Variants in DGKB observed in about 807,000 individuals in gnomAD.
The protein encoded by DGKB is 90 kDa diacylglycerol kinase.
DGKB carries 67 observed loss-of-function variants against 114.3 expected under a neutral mutation model. The ratio of observed to expected loss-of-function variants is 0.59; its 90% CI spans 0.48 to 0.72. The LOEUF is 0.72. Ranked by LOEUF, DGKB falls within the 30% of genes least tolerant of loss-of-function variation. DGKB has a pLI of 0.00. For synonymous variants in DGKB, 398 were observed against 323.1 expected (o/e 1.23, Z -2.49); for missense variants, 907 against 975.2 (o/e 0.93, Z 0.93).
intron 4 of DGKB, among the ~76,000 whole-genome samples, chr7:14,751,666 G>T (rs893937061): frequency 6.6e-5 from 10 of 152,186 alleles, no homozygotes; most frequent in Non-Finnish European, 5.9e-5. Flanking sequence ...CAGCACTCAG[G>T]ATTGTGGCCA....
intron 21 of DGKB, among the ~76,000 whole-genome samples, chr7:14,399,506 A>C (rs971013649): frequency 1.3e-5 from 2 of 151,798 alleles, no homozygotes; most frequent in Non-Finnish European, 2.9e-5. Flanking sequence ...ATCCTGAAAC[A>C]ATAGTACCTA....
At chr7:14,187,317 C>A (rs1330595092) in intron 23 of DGKB, among the ~76,000 whole-genome samples, 1 of 152,130 alleles carries the variant, frequency 6.6e-6, no homozygotes, top group Non-Finnish European at 1.5e-5. Flanking sequence ...CCTCCCTGGA[C>A]AGATAGCCAC....
At chr7:14,240,751 C>T (rs1793519418) in intron 23 of DGKB, among the ~76,000 whole-genome samples, 1 of 152,106 alleles carries the variant, frequency 6.6e-6, no homozygotes, top group African/African-American at 2.4e-5. Context: ...CTGTTGCTGT[C>T]TTTCAGTTGT....
chr7:14,549,608 T>C (rs957617641), intron 20 of DGKB, among the ~76,000 whole-genome samples: 3 of 152,140 alleles, frequency 2.0e-5, no homozygotes, highest in Admixed American at 2.0e-4. Context: ...ATAAAGAGAA[T>C]GCAGGGAACA....
chr7:14,304,698 A>G (rs1286592976), intron 23 of DGKB, among the ~76,000 whole-genome samples: 1 of 152,136 alleles, frequency 6.6e-6, no homozygotes, highest in Non-Finnish European at 1.5e-5. Flanking sequence ...TTAACCTGAG[A>G]AATACAATGT....
intron 2 of DGKB, among the ~76,000 whole-genome samples, chr7:14,771,377 T>A (rs1472727137): frequency 6.6e-6 from 1 of 152,084 alleles, no homozygotes; most frequent in Non-Finnish European, 1.5e-5. Flanking sequence ...CTGCATCTCG[T>A]TATTGGGCGG....
chr7:14,556,561 T>G (rs1776560221), intron 20 of DGKB, among the ~76,000 whole-genome samples: 1 of 152,112 alleles, frequency 6.6e-6, no homozygotes, highest in Non-Finnish European at 1.5e-5. Context: ...ATACGTGTAT[T>G]TTGATTTATT....
At chr7:14,580,424 G>A (rs1222809343) in intron 19 of DGKB, among the ~76,000 whole-genome samples, 1 of 152,212 alleles carries the variant, frequency 6.6e-6, no homozygotes, top group African/African-American at 2.4e-5. Flanking sequence ...CTAGCATAGA[G>A]TGAGTCTCAA....
chr7:14,648,503 A>G (rs1261544226), intron 13 of DGKB, among the ~76,000 whole-genome samples: 2 of 80,406 alleles, frequency 2.5e-5, no homozygotes, highest in African/African-American at 3.7e-5. Context: ...GTACATCACC[A>G]TCATCAAACA....
At chr7:14,553,444 T>G (rs886587517) in intron 20 of DGKB, among the ~76,000 whole-genome samples, 1 of 152,086 alleles carries the variant, frequency 6.6e-6, no homozygotes, top group Non-Finnish European at 1.5e-5. Context: ...AATTGCTATA[T>G]AAGTAAGTGA....
At chr7:14,231,091 CTTT>C (rs1562684115) in intron 23 of DGKB, among the ~76,000 whole-genome samples, 2 of 75,366 alleles carry the variant, frequency 2.7e-5, no homozygotes, top group Non-Finnish European at 5.2e-5. Context: ...CCCTTTCTTT[CTTT>C]CTTTCTTTCT....
intron 23 of DGKB, among the ~76,000 whole-genome samples, chr7:14,304,173 C>A (rs1052113549): frequency 6.6e-6 from 1 of 151,762 alleles, no homozygotes; most frequent in South Asian, 2.1e-4. Context: ...ATTCTTCACA[C>A]TAACGGTAAG....
rs979868 is a variant in DGKB, at chr7:14,146,251, C to T, written c.*2880G>A. On this transcript the variant is annotated 3_prime_UTR_variant, in exon 26 of 26. Transcript: ENST00000402815. ...TCTATGTAGATACCTCCCTTCCTAT[C>T]TCTTAGAAGCGTGGATATCAAGGTT... 135,839 of 152,238 alleles carry T rather than the reference C, an allele frequency of 0.89. 60,915 individuals carry two copies. The highest frequency in any genetic ancestry group is 1 in the East Asian group (5,152 of 5,172). The allele number at this position is 152,238 out of a possible 1,614,324, so 9.4% of individuals were successfully genotyped here. A position where few individuals can be genotyped will look rare whatever the true frequency, so the allele number is the denominator to read the frequency against.
chr7:14,921,701 A>G (rs1321863334), intron 1 of DGKB, among the ~76,000 whole-genome samples: 1 of 152,194 alleles, frequency 6.6e-6, no homozygotes, highest in African/African-American at 2.4e-5. Flanking sequence ...CATGGCAGAA[A>G]TTGAGAAAAC....
intron 21 of DGKB, among the ~76,000 whole-genome samples, chr7:14,461,322 G>GT (rs35867012): frequency 0.029 from 4,139 of 145,158 alleles, 178 homozygotes; most frequent in African/African-American, 0.088. Flanking sequence ...TCCAGGAGCT[G>GT]TTTTTTTTTT....
In DGKB at chr7:14,148,758, G is replaced by A. The variant is rs184080120; in HGVS notation, c.*373C>T. On this transcript the variant is annotated 3_prime_UTR_variant, in exon 26 of 26. Coordinates refer to ENST00000402815, the MANE Select transcript of DGKB (RefSeq NM_001350709.2). Reference sequence around the variant, plus strand: ...ACTGATTAGTGCTTCGTAATAATTGGAATCACACTGAGAATCACGTTTCCC... The same window carrying A: ...ACTGATTAGTGCTTCGTAATAATTGAAATCACACTGAGAATCACGTTTCCC... The A allele has an allele frequency of 4.4e-3, 1,269 of 288,650 alleles. 10 individuals carry two copies. Among genetic ancestry groups the A allele is most frequent in the Non-Finnish European group, 5.5e-3 (834 of 151,340 alleles). The allele number at this position is 288,650 out of a possible 1,614,324, so 17.9% of individuals were successfully genotyped here. A position where few individuals can be genotyped will look rare whatever the true frequency, so the allele number is the denominator to read the frequency against.
At chr7:14,684,867 T>C (rs1821404037) in intron 10 of DGKB, among the ~76,000 whole-genome samples, 1 of 151,982 alleles carries the variant, frequency 6.6e-6, no homozygotes, top group Admixed American at 6.6e-5. Context: ...CATTATAAGA[T>C]GTTCATGTGA....
At chr7:14,338,413 A>T in intron 23 of DGKB, 102 bp downstream of exon 23, 1 of 625,204 alleles carries the variant, frequency 1.6e-6, no homozygotes, top group Non-Finnish European at 2.5e-6. Context: ...AACTGTAAAA[A>T]TATATAAATT....
intron 21 of DGKB, among the ~76,000 whole-genome samples, chr7:14,348,287 T>C (rs1345539229): frequency 1.3e-5 from 2 of 152,078 alleles, no homozygotes; most frequent in Non-Finnish European, 2.9e-5. Flanking sequence ...ATTTCTCACT[T>C]AGATTCATCC....
Sources: allele counts gnomAD v4.1 joint callset (sites outside exome capture counted in the v4.1 genomes callset), GRCh38; gene constraint gnomAD v4.1.1; transcripts MANE v1.5; gene names NCBI Gene and HGNC (gene_info 2026-07-23, HGNC 2026-07-21).